The following SBNO2 variants were observed in gnomAD, a reference collection of about 807,000 sequenced individuals.
SBNO2 encodes the protein strawberry notch homolog 2.
SBNO2 carries 89 observed loss-of-function variants against 146.3 expected under a neutral mutation model. The observed-to-expected ratio is 0.61, with a 90% CI of 0.51 to 0.73. The LOEUF is 0.73. Among genes scored for constraint, SBNO2 ranks in the 30% least tolerant of loss-of-function variants. The pLI, the probability that SBNO2 is intolerant of heterozygous loss-of-function variation, is 0.00. For missense variants in SBNO2, 2,092 were observed against 2,003.7 expected (o/e 1.04, Z -0.84); for synonymous variants, 1,147 against 892.6 (o/e 1.29, Z -5.08).
In SBNO2 at chr19:1,163,077, A is replaced by G. The variant is rs892197387; in HGVS notation, c.-126-8675T>C. The stretch of plus-strand genomic sequence containing the variant: ...AGGCTGGTCCTGAGGTGCAAGAGGG[A>G]GTGCCAGGGACAGAGAGGGCACCGG... On this transcript the variant is annotated intron_variant, in intron 1 of 31. Transcript: ENST00000361757. Among the ~76,000 whole-genome samples, 4 of 152,252 alleles carry G rather than the reference A, an allele frequency of 2.6e-5. No homozygotes were observed. In the East Asian group the frequency reaches 7.7e-4, roughly 29 times the overall value.
intron 23 of SBNO2, among the ~76,000 whole-genome samples, 162 bp from the exon 24 acceptor site, chr19:1,111,776 G>A (rs1432288092): frequency 7.4e-6 from 1 of 135,456 alleles, no homozygotes; most frequent in African/African-American, 2.8e-5. Flanking sequence ...CTCCTCCCCG[G>A]GGGTCCTAGA....
chr19:1,145,167 A>C lies in SBNO2; in HGVS notation c.279+2142T>G, dbSNP rs529614794. 3.2e-3 allele frequency among the ~76,000 whole-genome samples: 487 copies of C among 152,046 alleles called. 1 individual carries two copies. Among genetic ancestry groups the C allele is most frequent in the African/African-American group, 0.011 (450 of 41,456 alleles). On this transcript the variant is annotated intron_variant, in intron 4 of 31. Transcript: ENST00000361757. ...AGGGGGAAGAGGGAGAGAGAGAGACAGAGAAAAGAAAGAGACAGGCCGGGC... is the reference window on the plus strand; with the variant it reads ...AGGGGGAAGAGGGAGAGAGAGAGACCGAGAAAAGAAAGAGACAGGCCGGGC...
rs76032495 is a variant in SBNO2, at chr19:1,130,628, C to T, written c.280-2863G>A. Among the ~76,000 whole-genome samples, 951 of 152,092 alleles carry T rather than the reference C, an allele frequency of 6.3e-3. 5 individuals are homozygous for T. Among genetic ancestry groups the T allele is most frequent in the African/African-American group, 0.021 (883 of 41,494 alleles). On this transcript the variant is annotated intron_variant, in intron 4 of 31. Coordinates refer to ENST00000361757, the MANE Select transcript of SBNO2 (RefSeq NM_014963.3). ...GCAACACAGCAAGACTCCATGTCTA[C>T]AGAACGTTTAAAAATTAGCTGGGCA...
chr19:1,139,863 T>C (rs1014908671), intron 4 of SBNO2, among the ~76,000 whole-genome samples: 2 of 152,136 alleles, frequency 1.3e-5, no homozygotes, highest in African/African-American at 2.4e-5. Flanking sequence ...GAGAATCGCT[T>C]GAACCTGGGA....
intron 4 of SBNO2, among the ~76,000 whole-genome samples, chr19:1,133,052 G>A (rs2080049199): frequency 1.3e-5 from 2 of 152,194 alleles, no homozygotes; most frequent in Admixed American, 6.5e-5. Flanking sequence ...CCGCGGGGCA[G>A]ACACCTGATG....
At chr19:1,141,852 G>A (rs1036389175) in intron 4 of SBNO2, among the ~76,000 whole-genome samples, 24 of 151,438 alleles carry the variant, frequency 1.6e-4, no homozygotes, top group Middle Eastern at 3.4e-3. Context: ...CAAACCCCTG[G>A]GCTCAAACAA....
At chr19:1,124,144 TC>T in intron 5 of SBNO2, 122 bp from the exon 6 acceptor site, 1 of 890,650 alleles carries the variant, frequency 1.1e-6, no homozygotes, top group Non-Finnish European at 1.8e-6. Context: ...CCATCCTCGC[TC>T]CCCAGGGCCC....
At position 1,154,233 on chromosome 19, in the gene SBNO2, T is replaced by C. The variant is rs764963541; in HGVS notation, c.44A>G (p.His15Arg). Reference sequence around the variant, plus strand: ...GAGGCTGCCCGCCGGCGGGGGTTCATGCTGCGGGTAATCCCTGTCCATGGC... The same window carrying C: ...GAGGCTGCCCGCCGGCGGGGGTTCACGCTGCGGGTAATCCCTGTCCATGGC... The part of the protein sequence containing the change: ...GPAMDRDYPQ[H>R]EPPPAGSLLY... Residue 15 changes from histidine (H) to arginine (R), a missense_variant, in exon 2 of 32, where the codon CAT becomes CGT. His to Arg is a conservative substitution (Grantham distance 29). Coordinates refer to ENST00000361757, the MANE Select transcript of SBNO2 (RefSeq NM_014963.3). 69 of 1,268,054 alleles carry C rather than the reference T, an allele frequency of 5.4e-5. 1 individual carries two copies. Among genetic ancestry groups the C allele is most frequent in the Non-Finnish European group, 8.9e-6 (9 of 1,006,128 alleles). The allele number at this position is 1,268,054 out of a possible 1,614,324, so 78.6% of individuals were successfully genotyped here. A position where few individuals can be genotyped will look rare whatever the true frequency, so the allele number is the denominator to read the frequency against.
At position 1,158,729 on chromosome 19, in the gene SBNO2, G is replaced by A. The variant is rs2080315680; in HGVS notation, c.-126-4327C>T. On this transcript the variant is annotated intron_variant, in intron 1 of 31. Transcript: ENST00000361757. The surrounding 1 kb of genome is among the most constrained non-coding windows in gnomAD (Gnocchi z 9.9). ...TACCTCAGCCGAGGTTCTCCGGGCAGGCACAAGGCGCTCCCTGCGTCCCAG... is the reference window on the plus strand; with the variant it reads ...TACCTCAGCCGAGGTTCTCCGGGCAAGCACAAGGCGCTCCCTGCGTCCCAG... Among the ~76,000 whole-genome samples the A allele has an allele frequency of 6.6e-6, 1 of 152,192 alleles. No individual in the cohort carries two copies. The highest frequency in any genetic ancestry group is 1.5e-5 in the Non-Finnish European group (1 of 68,018).
chr19:1,160,454 C>A (rs895488187), intron 1 of SBNO2, among the ~76,000 whole-genome samples: 3 of 152,146 alleles, frequency 2.0e-5, no homozygotes, highest in African/African-American at 7.2e-5. Context: ...GTGGACACCC[C>A]CGAAGGGCAG....
chr19:1,171,060 C>T (rs1289999637), intron 1 of SBNO2, among the ~76,000 whole-genome samples: 2 of 151,880 alleles, frequency 1.3e-5, no homozygotes, highest in African/African-American at 4.8e-5. Flanking sequence ...CATGGGTACA[C>T]ACAGGCACAC....
chr19:1,111,097 C>A lies in SBNO2; in HGVS notation c.2810-4G>T, dbSNP rs370262573. 177 of 1,546,582 alleles carry A rather than the reference C, an allele frequency of 1.1e-4. 2 individuals are homozygous for A. The highest frequency in any genetic ancestry group is 2.4e-5 in the South Asian group (2 of 84,254). On this transcript the variant is annotated splice_polypyrimidine_tract_variant and splice_region_variant and intron_variant, in intron 24 of 31. Transcript: ENST00000361757. ...GACAGCAGGCCCTGCTTCATGTCTGCGGGGAGAGGGGCCTCACATGCTGGT... is the reference window on the plus strand; with the variant it reads ...GACAGCAGGCCCTGCTTCATGTCTGAGGGGAGAGGGGCCTCACATGCTGGT...
intron 23 of SBNO2, 53 bp downstream of exon 23, chr19:1,111,943 T>A: frequency 1.6e-5 from 21 of 1,328,792 alleles, no homozygotes; most frequent in Non-Finnish European, 2.0e-5. Context: ...GATCCGGCCC[T>A]CCCTAGACCC....
intron 2 of SBNO2, among the ~76,000 whole-genome samples, 182 bp downstream of exon 2, chr19:1,154,002 T>C (rs1270656337): frequency 2.6e-5 from 4 of 152,176 alleles, no homozygotes; most frequent in Non-Finnish European, 5.9e-5. Flanking sequence ...CACATCCCCA[T>C]GGGGACCCTT....
chr19:1,132,331 A>G, intron 4 of SBNO2: 1 of 1,275,098 alleles, frequency 7.8e-7, no homozygotes, highest in Non-Finnish European at 1.0e-6. Context: ...GACTTTCAGG[A>G]AATGATGCCG....
At chr19:1,122,050 C>G in intron 11 of SBNO2, 89 bp downstream of exon 11, 12 of 565,344 alleles carry the variant, frequency 2.1e-5, no homozygotes, top group Non-Finnish European at 2.3e-5. Context: ...TCCCCTGACT[C>G]CCACCCCTCC....
intron 17 of SBNO2, chr19:1,115,764 C>T (rs1241450016): frequency 2.5e-5 from 14 of 563,460 alleles, no homozygotes; most frequent in Admixed American, 1.3e-4. Flanking sequence ...GTCCGTGTCC[C>T]GCCCCCCGGG....
chr19:1,153,648 C>T (rs1297391389), intron 2 of SBNO2, among the ~76,000 whole-genome samples: 2 of 152,104 alleles, frequency 1.3e-5, no homozygotes, highest in African/African-American at 4.8e-5. Context: ...AGCAATTCTC[C>T]TGCCTCAGCC....
chr19:1,147,081 C>G (rs1287304007), intron 4 of SBNO2, among the ~76,000 whole-genome samples: 1 of 152,156 alleles, frequency 6.6e-6, no homozygotes, highest in African/African-American at 2.4e-5. Flanking sequence ...ACCCCAAGGG[C>G]TGGGCGGGGC....
Sources: allele counts gnomAD v4.1 joint callset (sites outside exome capture counted in the v4.1 genomes callset), GRCh38; gene constraint gnomAD v4.1.1; non-coding constraint Gnocchi (gnomAD v3.1); transcripts MANE v1.5; gene names NCBI Gene and HGNC (gene_info 2026-07-23, HGNC 2026-07-21).